NALF1: variants seen among roughly 807,000 people sequenced by gnomAD.
NALF1 encodes NALCN channel auxiliary factor 1.
NALF1 carries 3 observed loss-of-function variants against 48.4 expected under a neutral mutation model. The observed-to-expected ratio is 0.06, with a 90% CI of 0.03 to 0.16. The LOEUF is 0.16. Ranked by LOEUF, NALF1 falls within the 10% of genes least tolerant of loss-of-function variation. The pLI is 1.00. For synonymous variants in NALF1, 262 were observed against 245.7 expected (o/e 1.07, Z -0.62); for missense variants, 526 against 571.5 (o/e 0.92, Z 0.81).
At chr13:107,547,191 A>G (rs1166895541) in intron 1 of NALF1, among the ~76,000 whole-genome samples, 1 of 152,230 alleles carries the variant, frequency 6.6e-6, no homozygotes, top group African/African-American at 2.4e-5. Context: ...CAACCACATC[A>G]GAAGAGTGCC....
intron 1 of NALF1, among the ~76,000 whole-genome samples, chr13:107,388,583 A>G (rs1883568819): frequency 6.6e-6 from 1 of 152,232 alleles, no homozygotes; most frequent in South Asian, 2.1e-4. Context: ...ATCGTTCAAC[A>G]CAAGAGTTTA....
intron 1 of NALF1, among the ~76,000 whole-genome samples, chr13:107,523,453 TG>T (rs1330272558): frequency 1.3e-5 from 2 of 151,958 alleles, no homozygotes; most frequent in African/African-American, 4.8e-5. Flanking sequence ...ACATGTGCCA[TG>T]TTGGTGTGCT....
At chr13:107,718,119 C>T (rs2138525022) in intron 1 of NALF1, among the ~76,000 whole-genome samples, 1 of 152,294 alleles carries the variant, frequency 6.6e-6, no homozygotes, top group Admixed American at 6.5e-5. Flanking sequence ...GAGAGCCCTG[C>T]TGCTGTAAAC....
intron 1 of NALF1, among the ~76,000 whole-genome samples, chr13:107,372,013 GTATT>G: frequency 6.6e-6 from 1 of 152,162 alleles, no homozygotes; most frequent in African/African-American, 2.4e-5. Context: ...GTGATTCTGT[GTATT>G]TATTCTTTGA....
chr13:107,306,779 C>T (rs1435078550), intron 1 of NALF1, among the ~76,000 whole-genome samples: 8 of 152,032 alleles, frequency 5.3e-5, no homozygotes, highest in Non-Finnish European at 5.9e-5. Flanking sequence ...ACCTGGGCAA[C>T]GTGGTGTGAC....
intron 1 of NALF1, among the ~76,000 whole-genome samples, chr13:107,448,082 A>G (rs1270960446): frequency 1.3e-5 from 2 of 152,010 alleles, no homozygotes; most frequent in Non-Finnish European, 2.9e-5. Context: ...TTCCTCTCTT[A>G]TATAATGTGT....
intron 1 of NALF1, among the ~76,000 whole-genome samples, chr13:107,776,572 T>C (rs1263978762): frequency 6.6e-6 from 1 of 152,224 alleles, no homozygotes; most frequent in African/African-American, 2.4e-5. Flanking sequence ...TATTAATTCA[T>C]CTATTACATT....
rs745413816 is a variant in NALF1, at chr13:107,866,357, CTGCTGCTGCCGCTGCTGCTGCT to C, written c.218_239del (p.Gln73ArgfsTer79). On this transcript the variant is annotated frameshift_variant, in exon 1 of 3. Coordinates refer to ENST00000375915, the MANE Select transcript of NALF1 (RefSeq NM_001080396.3). LOFTEE classifies it high-confidence loss of function. This position sits in a 1 kb window ranked among gnomAD's most constrained non-coding sequence, Gnocchi z 4.4. ...GCTGCCTCTGCTGCTGCTGCTGCTG[CTGCTGCTGCCGCTGCTGCTGCT>C]GGTGCTCCTTGTCCCGGGCCCGGGT... 5 of 1,610,888 alleles carry C rather than the reference CTGCTGCTGCCGCTGCTGCTGCT, an allele frequency of 3.1e-6. No individual in the cohort carries two copies. The South Asian group carries it at 3.3e-5, about 11-fold the overall frequency.
intron 1 of NALF1, among the ~76,000 whole-genome samples, chr13:107,416,174 AT>A (rs369522653): frequency 3.0e-4 from 43 of 143,692 alleles, no homozygotes; most frequent in Admixed American, 3.5e-4. Context: ...GCCCGGCTAA[AT>A]TTTTTTTTTT....
chr13:107,339,372 G>T (rs541652288), intron 1 of NALF1, among the ~76,000 whole-genome samples: 2 of 152,100 alleles, frequency 1.3e-5, no homozygotes, highest in South Asian at 4.2e-4. Context: ...CTTTGGCAAT[G>T]CTTCTCATGA....
chr13:107,782,622 G>A (rs1368981198), intron 1 of NALF1, among the ~76,000 whole-genome samples: 2 of 151,424 alleles, frequency 1.3e-5, no homozygotes, highest in African/African-American at 2.4e-5. Flanking sequence ...GCCTCTTCCC[G>A]GCCGCCATCC....
chr13:107,395,592 A>G (rs1883698939), intron 1 of NALF1, among the ~76,000 whole-genome samples: 1 of 152,164 alleles, frequency 6.6e-6, no homozygotes, highest in African/African-American at 2.4e-5. Flanking sequence ...TTGGTTGGAC[A>G]GCAAGTTTGC....
At chr13:107,247,325 G>C (rs948312812) in intron 1 of NALF1, among the ~76,000 whole-genome samples, 13 of 152,094 alleles carry the variant, frequency 8.5e-5, no homozygotes, top group African/African-American at 2.9e-4. Context: ...TCCTCTATTA[G>C]AACAAAATTC....
chr13:107,238,423 C>A (rs1382102397), intron 1 of NALF1, among the ~76,000 whole-genome samples: 1 of 152,118 alleles, frequency 6.6e-6, no homozygotes, highest in Non-Finnish European at 1.5e-5. Context: ...GGCAAGGAGT[C>A]AGGTCAGGTA....
At chr13:107,680,423 T>G (rs1217421345) in intron 1 of NALF1, among the ~76,000 whole-genome samples, 1 of 150,142 alleles carries the variant, frequency 6.7e-6, no homozygotes, top group Admixed American at 6.6e-5. Context: ...TGTGTGCGTG[T>G]GAGTGTGAAC....
chr13:107,192,982 TA>T (rs1051829501), intron 2 of NALF1, among the ~76,000 whole-genome samples: 5 of 151,512 alleles, frequency 3.3e-5, no homozygotes, highest in African/African-American at 1.2e-4. Context: ...TAGCAAAAAA[TA>T]AAAAAGAAAA....
At chr13:107,177,614 G>A (rs1451219180) in intron 2 of NALF1, among the ~76,000 whole-genome samples, 4 of 152,246 alleles carry the variant, frequency 2.6e-5, no homozygotes, top group African/African-American at 4.8e-5. Flanking sequence ...AGTCATTTTC[G>A]ACAAAGGTGG....
intron 1 of NALF1, among the ~76,000 whole-genome samples, chr13:107,283,905 C>G: frequency 6.6e-6 from 1 of 152,088 alleles, no homozygotes; most frequent in South Asian, 2.1e-4. Context: ...ATGATCCACC[C>G]ACCTCGGCCT....
chr13:107,477,297 C>T (rs1299466481), intron 1 of NALF1, among the ~76,000 whole-genome samples: 1 of 152,096 alleles, frequency 6.6e-6, no homozygotes, highest in African/African-American at 2.4e-5. Context: ...TTTCCCCAAA[C>T]CAACAGATTG....
Sources: gnomAD v4.1 joint callset for allele counts (sites outside exome capture counted in the v4.1 genomes callset) on GRCh38, gnomAD v4.1.1 for gene constraint, Gnocchi (gnomAD v3.1) non-coding constraint, MANE v1.5 for transcripts, NCBI Gene and HGNC (gene_info 2026-07-23, HGNC 2026-07-21) for gene names.